Variants in ADCY7 observed in about 807,000 individuals in gnomAD.
The protein encoded by ADCY7 is adenylate cyclase 7, also known as adenylate cyclase type 7.
In ADCY7, 72 loss-of-function variants were observed where a neutral mutation model predicts 120.6. The observed-to-expected ratio is 0.60, with a 90% confidence interval of 0.49 to 0.73. ADCY7 has a LOEUF of 0.73. Ranked by LOEUF, ADCY7 falls within the 30% of genes least tolerant of loss-of-function variation. The pLI is 0.00. For synonymous variants in ADCY7, 661 were observed against 628.0 expected (o/e 1.05, Z -0.78); for missense variants, 1,227 against 1,486.0 (o/e 0.83, Z 2.87).
At chr16:50,288,430 A>G (rs375572379) in intron 2 of ADCY7, 80 bp downstream of exon 2, 2 of 1,348,044 alleles carry the variant, frequency 1.5e-6, no homozygotes, top group African/African-American at 3.0e-5. Flanking sequence ...CCTCTTCTGT[A>G]AAATGCTTAT....
intron 2 of ADCY7, among the ~76,000 whole-genome samples, chr16:50,289,930 C>T (rs1054177390): frequency 2.2e-4 from 34 of 152,208 alleles, no homozygotes; most frequent in Non-Finnish European, 4.6e-4. Context: ...GTGTGCCAGC[C>T]CCCAGATCAG....
intron 2 of ADCY7, chr16:50,289,248 C>T (rs554736811): frequency 4.0e-5 from 15 of 378,734 alleles, no homozygotes; most frequent in African/African-American, 3.2e-4. Flanking sequence ...GTTGCCCAGG[C>T]TGGTCTTGAA....
intron 22 of ADCY7, chr16:50,313,611 C>T (rs192042002): frequency 8.0e-5 from 21 of 261,932 alleles, no homozygotes; most frequent in African/African-American, 3.5e-4. Context: ...ACTAAGCCCA[C>T]GCTATCAACC....
At position 50,314,228 on chromosome 16, in the gene ADCY7, C is replaced by T. The variant is rs969100871; in HGVS notation, c.2857-64C>T. ...GGGGATCCTCAACAAGAGTGGCGCG[C>T]CAGGGCCCACTAGGTCTGGGGGCTC... On this transcript the variant is annotated intron_variant, in intron 23 of 25. Transcript: ENST00000673801. The T allele has an allele frequency of 5.2e-6, 8 of 1,524,600 alleles. No individual in the cohort carries two copies. In the East Asian group the frequency reaches 9.1e-5, roughly 17 times the overall value. 94.4% of individuals were successfully genotyped at this position (1,524,600 alleles called of 1,614,324 possible). A position where few individuals can be genotyped will look rare whatever the true frequency, so the allele number is the denominator to read the frequency against.
chr16:50,311,596 C>G, intron 19 of ADCY7, 97 bp from the exon 20 acceptor site: 2 of 734,228 alleles, frequency 2.7e-6, no homozygotes. Flanking sequence ...AATCAATTTT[C>G]CCCTTTCCCC....
chr16:50,306,152 G>A (rs997608099), intron 14 of ADCY7, among the ~76,000 whole-genome samples: 1 of 152,260 alleles, frequency 6.6e-6, no homozygotes, highest in Admixed American at 6.5e-5. Context: ...GGATGCCTCA[G>A]GCTGATGGCA....
chr16:50,253,709 G>A (rs1252152031), intron 1 of ADCY7, among the ~76,000 whole-genome samples: 6 of 152,090 alleles, frequency 3.9e-5, no homozygotes, highest in Non-Finnish European at 7.4e-5. Flanking sequence ...GGCTCCGGGG[G>A]GAGGGCTTTG....
chr16:50,278,311 G>T (rs1019275584), intron 1 of ADCY7, among the ~76,000 whole-genome samples: 1 of 152,170 alleles, frequency 6.6e-6, no homozygotes, highest in Non-Finnish European at 1.5e-5. Flanking sequence ...TAAGTGCCAA[G>T]ATTACAGGCG....
chr16:50,284,257 G>A (rs2034450629), intron 1 of ADCY7, among the ~76,000 whole-genome samples: 1 of 152,180 alleles, frequency 6.6e-6, no homozygotes, highest in African/African-American at 2.4e-5. Context: ...TCCAGGAGCT[G>A]GCCAAGGTCC....
rs779513604 is a variant in ADCY7, at chr16:50,312,128, T to C, written c.2541T>C (p.Leu847=). The change falls in exon 21 of 26, where the codon CTT becomes CTC. Residue 847 remains leucine (L), a synonymous_variant. Coordinates refer to ENST00000673801, the MANE Select transcript of ADCY7 (RefSeq NM_001114.5). ...AGACCATGGAGAACGTGAACCGCCT[T>C]CTTCTGGAGAACGTCCTGCCAGCCC... ...EFETMENVNR[L]LLENVLPAHV... is the part of the protein sequence containing the mutation. 3 of 1,614,192 alleles carry C rather than the reference T, an allele frequency of 1.9e-6. No individual in the cohort carries two copies. Among genetic ancestry groups the C allele is most frequent in the Admixed American group, 3.3e-5 (2 of 60,022 alleles).
chr16:50,253,860 C>A (rs2032832625), intron 1 of ADCY7, among the ~76,000 whole-genome samples: 1 of 152,116 alleles, frequency 6.6e-6, no homozygotes, highest in Admixed American at 6.5e-5. Flanking sequence ...GAGCCTGGAG[C>A]CTCCTTTGCT....
chr16:50,303,934 C>T (rs2035895220), intron 10 of ADCY7, among the ~76,000 whole-genome samples: 1 of 152,110 alleles, frequency 6.6e-6, no homozygotes. Flanking sequence ...TCCCAGGCGC[C>T]TCCTGGGGAG....
At chr16:50,305,288 C>G (rs1365837403) in intron 12 of ADCY7, among the ~76,000 whole-genome samples, 8 of 152,228 alleles carry the variant, frequency 5.3e-5, no homozygotes. Context: ...GGGCTCGGGT[C>G]TGCCCTCTGC....
intron 1 of ADCY7, among the ~76,000 whole-genome samples, chr16:50,278,241 A>G (rs2034025904): frequency 6.6e-6 from 1 of 152,080 alleles, no homozygotes; most frequent in Non-Finnish European, 1.5e-5. Context: ...GGGTTTCACC[A>G]TGTTGCTCAG....
rs145636318 is a variant in ADCY7, at chr16:50,310,792, C to T, written c.2266C>T (p.Leu756=). The change falls in exon 19 of 26, where the codon CTG becomes TTG. Residue 756 remains leucine (L), a synonymous_variant. Coordinates refer to ENST00000673801, the MANE Select transcript of ADCY7 (RefSeq NM_001114.5). Reference sequence around the variant, plus strand: ...GCTGACAGTGGCCCTGGTGGCCTACCTGGTGCTCTTCAACCTCTCCCCATG... The same window carrying T: ...GCTGACAGTGGCCCTGGTGGCCTACTTGGTGCTCTTCAACCTCTCCCCATG... ...VLLTVALVAY[L]VLFNLSPCWQ... 1.9e-6 allele frequency: 3 copies of T among 1,614,174 alleles called. No homozygotes were observed. The highest frequency in any genetic ancestry group is 2.5e-6 in the Non-Finnish European group (3 of 1,180,014).
Position 50,261,311 on chromosome 16 carries a change from C to T in ADCY7, c.-64+15108C>T, listed in dbSNP as rs559930817. On this transcript the variant is annotated intron_variant, in intron 1 of 4. Transcript: ENST00000564044. ...TGGTAGAGGCGGCACCAGTACCTGGCGGGATGGGTAGCATTTTGAGCATTC... is the reference window on the plus strand; with the variant it reads ...TGGTAGAGGCGGCACCAGTACCTGGTGGGATGGGTAGCATTTTGAGCATTC... Among the ~76,000 whole-genome samples the T allele has an allele frequency of 9.7e-4, 148 of 152,192 alleles. 1 individual carries two copies. The highest frequency in any genetic ancestry group is 5.3e-3 in the Admixed American group (81 of 15,288).
rs183720909 is a variant in ADCY7 at position 50,312,228 on chromosome 16, C to T, written c.2604+37C>T. On this transcript the variant is annotated intron_variant, in intron 21 of 25. Coordinates refer to ENST00000673801, the MANE Select transcript of ADCY7 (RefSeq NM_001114.5). The stretch of plus-strand genomic sequence containing the variant: ...AGGGGCTGGGGCGGGGGCAGGGAGG[C>T]GGACGGTCCAGGCGCAGTCCGTAGG... 6,127 of 1,610,458 alleles carry T rather than the reference C, an allele frequency of 3.8e-3. 20 individuals are homozygous for T. Among genetic ancestry groups the T allele is most frequent in the African/African-American group, 4.5e-3 (337 of 75,002 alleles).
At position 50,316,719 on chromosome 16, in the gene ADCY7, C is replaced by T. The variant is rs1236698463; in HGVS notation, c.*1214C>T. The T allele has an allele frequency of 6.6e-6, 1 of 152,330 alleles. No homozygotes were observed. Among genetic ancestry groups the T allele is most frequent in the African/African-American group, 2.4e-5 (1 of 41,438 alleles). 9.4% of individuals were successfully genotyped at this position (152,330 alleles called of 1,614,324 possible). ...GATGTGTCTTACTGTGCTTCAACTT[C>T]CCAAGGAATTGAAAGTCAACCTAAC... On this transcript the variant is annotated 3_prime_UTR_variant, in exon 26 of 26. Transcript: ENST00000673801.
intron 1 of ADCY7, among the ~76,000 whole-genome samples, chr16:50,255,402 G>GAAAAAAAAAA (rs60335173): frequency 7.4e-5 from 8 of 108,138 alleles, no homozygotes; most frequent in East Asian, 2.8e-4. Context: ...TCTGTTTCTG[G>GAAAAAAAAAA]AAAAAAAAAA....
Sources: allele counts gnomAD v4.1 joint callset (sites outside exome capture counted in the v4.1 genomes callset), GRCh38; gene constraint gnomAD v4.1.1; transcripts MANE v1.5; gene names NCBI Gene and HGNC (gene_info 2026-07-23, HGNC 2026-07-21).